The following FAM9C variants were observed in gnomAD, a reference collection of about 807,000 sequenced individuals.
The protein encoded by FAM9C is protein FAM9C.
In FAM9C, 15 loss-of-function variants were observed where a neutral mutation model predicts 14.8. The observed-to-expected ratio is 1.02, with a 90% CI of 0.68 to 1.56. The LOEUF is 1.56. FAM9C is among the 40% of genes most tolerant of loss of function. The pLI is 0.00. For synonymous variants in FAM9C, 45 were observed against 37.5 expected (o/e 1.20, Z -0.74); for missense variants, 116 against 118.0 (o/e 0.98, Z 0.08).
Position 13,043,249 on chromosome X carries a change from C to A in FAM9C, c.62-1G>T. 1 of 1,193,038 alleles carries A rather than the reference C, an allele frequency of 8.4e-7. No individual in the cohort carries two copies. The highest frequency in any genetic ancestry group is 1.1e-6 in the Non-Finnish European group (1 of 889,503). ...TGCTCATGACTTACTGGATCCTTTC[C>A]TGCATTAAAATAAAAAAGACAAACC... On this transcript the variant is annotated splice_acceptor_variant, in intron 2 of 7. Transcript: ENST00000380625. LOFTEE classifies it high-confidence loss of function.
At position 13,044,538 on chromosome X, in the gene FAM9C, A is replaced by T. The variant is rs1387027605; in HGVS notation, c.-69+2T>A. On this transcript the variant is annotated splice_donor_variant, in intron 1 of 7. Coordinates refer to ENST00000380625, the MANE Select transcript of FAM9C (RefSeq NM_174901.6). LOFTEE classifies it low-confidence loss of function (5UTR_SPLICE). ...CCCGCATCCCCACCGAGGGCGTCTC[A>T]CCTGAGGGAGCCCTGATGTTGCTCC... 1.8e-5 allele frequency: 2 copies of T among 111,061 alleles called. No homozygotes were observed. The highest frequency in any genetic ancestry group is 3.8e-5 in the Non-Finnish European group (2 of 52,622). 9.2% of individuals were successfully genotyped at this position (111,061 alleles called of 1,213,427 possible). A position where few individuals can be genotyped will look rare whatever the true frequency, so the allele number is the denominator to read the frequency against.
chrX:13,044,321 A>ACCC (rs748879259), intron 1 of FAM9C, among the ~76,000 whole-genome samples: 1,365 of 76,688 alleles, frequency 0.018, 46 homozygotes, highest in East Asian at 0.09. Flanking sequence ...TGACCCCCCG[A>ACCC]CCCCCCCCCA....
At chrX:13,036,263 C>T (rs1272958332) in intron 7 of FAM9C, 3 of 112,464 alleles carry the variant, frequency 2.7e-5, no homozygotes, top group African/African-American at 9.7e-5. Flanking sequence ...GACAAACCAT[C>T]ACTTTACAAC....
rs1264721027 is a variant in FAM9C, at chrX:13,043,874, C to CACACTAAGG, written c.-68-26_-68-18dup. Reference sequence around the variant, plus strand: ...CCTCTGAACCTGGTGAGTGCAAAGACACACTAAGGACACTAAGGAAACGAG... The same window carrying CACACTAAGG: ...CCTCTGAACCTGGTGAGTGCAAAGACACACTAAGGACACTAAGGACACTAAGGAAACGAG... On this transcript the variant is annotated splice_polypyrimidine_tract_variant and intron_variant, in intron 1 of 7. Transcript: ENST00000380625. 4 of 958,479 alleles carry CACACTAAGG rather than the reference C, an allele frequency of 4.2e-6. No homozygotes were observed. Among genetic ancestry groups the CACACTAAGG allele is most frequent in the Non-Finnish European group, 6.0e-6 (4 of 670,757 alleles). The allele number at this position is 958,479 out of a possible 1,213,427, so 79.0% of individuals were successfully genotyped here.
chrX:13,040,817 T>C lies in FAM9C; in HGVS notation c.270A>G (p.Lys90=), dbSNP rs1450322837. The change falls in exon 5 of 8, where the codon AAA becomes AAG. Residue 90 remains lysine, a synonymous_variant. Coordinates refer to ENST00000380625, the MANE Select transcript of FAM9C (RefSeq NM_174901.6). ...AKRKRIEKIA[K]ACSEIKNRIK... The stretch of plus-strand genomic sequence containing the variant: ...TTCTGTTCTTTATTTCGCTGCAAGC[T>C]TTTGCAATCTTTTCAATCCTTTTTC... 65 of 1,193,227 alleles carry C rather than the reference T, an allele frequency of 5.4e-5. No individual in the cohort carries two copies. Among genetic ancestry groups the C allele is most frequent in the Non-Finnish European group, 7.1e-5 (63 of 887,654 alleles).
intron 7 of FAM9C, chrX:13,037,342 A>C (rs2043488252): frequency 8.9e-6 from 1 of 112,570 alleles, no homozygotes; most frequent in Non-Finnish European, 1.9e-5. Flanking sequence ...TGCCTCATGA[A>C]AACTGTATGT....
chrX:13,043,517 A>G (rs996481456), intron 2 of FAM9C, among the ~76,000 whole-genome samples: 2 of 112,757 alleles, frequency 1.8e-5, no homozygotes, highest in African/African-American at 6.4e-5. Context: ...CTCTGAGAGC[A>G]TCTGTAACCC....
intron 7 of FAM9C, 183 bp from the exon 8 acceptor site, chrX:13,036,201 T>G (rs2043479094): frequency 8.9e-6 from 1 of 112,356 alleles, no homozygotes; most frequent in African/African-American, 3.2e-5. Context: ...AAGAGGGCTT[T>G]CATTATACTC....
At chrX:13,038,145 T>A (rs776037265) in intron 7 of FAM9C, 1 of 206,774 alleles carries the variant, frequency 4.8e-6, no homozygotes, top group East Asian at 9.2e-5. Flanking sequence ...AGATGTATAT[T>A]TCTAGGTAAA....
At chrX:13,044,395 C>G (rs2043558214) in intron 1 of FAM9C, 145 bp downstream of exon 1, 1 of 105,525 alleles carries the variant, frequency 9.5e-6, no homozygotes, top group African/African-American at 3.4e-5. Context: ...TCAGGCAGCT[C>G]CAACTCCCTG....
Position 13,042,952 on chromosome X carries a change from G to T in FAM9C, c.183-3C>A, listed in dbSNP as rs377020881. 1.1e-5 allele frequency: 13 copies of T among 1,182,318 alleles called. No homozygotes were observed. The highest frequency in any genetic ancestry group is 1.5e-5 in the Non-Finnish European group (13 of 883,979). On this transcript the variant is annotated splice_polypyrimidine_tract_variant and splice_region_variant and intron_variant, in intron 3 of 7. Transcript: ENST00000380625. Reference sequence around the variant, plus strand: ...CTTCTAGCTCCTTGGTATCAACCCTGTAACAAAAAGTTGCAACACAATTTT... The same window carrying T: ...CTTCTAGCTCCTTGGTATCAACCCTTTAACAAAAAGTTGCAACACAATTTT...
chrX:13,040,005 G>A, intron 5 of FAM9C, 89 bp from the exon 6 acceptor site: 1 of 742,174 alleles, frequency 1.3e-6, no homozygotes, highest in Non-Finnish European at 1.9e-6. Flanking sequence ...GACATAGTTT[G>A]TACTATAAAG....
intron 4 of FAM9C, chrX:13,042,715 C>T: frequency 2.0e-6 from 1 of 488,214 alleles, no homozygotes; most frequent in South Asian, 3.1e-5. Flanking sequence ...TCTTGCTTCA[C>T]CATTATTAGA....
chrX:13,038,511 C>G lies in FAM9C; in HGVS notation c.439-8G>C. On this transcript the variant is annotated splice_region_variant and splice_polypyrimidine_tract_variant and intron_variant, in intron 6 of 7. Coordinates refer to ENST00000380625, the MANE Select transcript of FAM9C (RefSeq NM_174901.6). ...TTGCTCTTGAAATATTTTCTAGAGG[C>G]ACAAAACAAAAAAGTGATTAAAATT... 8.4e-7 allele frequency: 1 copy of G among 1,196,304 alleles called. No homozygotes were observed. The highest frequency in any genetic ancestry group is 1.8e-5 in the South Asian group (1 of 54,232).
intron 6 of FAM9C, among the ~76,000 whole-genome samples, chrX:13,039,285 C>T (rs1411041702): frequency 1.8e-5 from 2 of 111,359 alleles, no homozygotes; most frequent in African/African-American, 6.5e-5. Context: ...GACCACTGCA[C>T]TCATCTGTTT....
At position 13,043,135 on chromosome X, in the gene FAM9C, G is replaced by A; in HGVS notation, c.175C>T (p.His59Tyr). The change falls in exon 3 of 8, where the codon CAC (histidine) becomes TAC (tyrosine). Residue 59 changes from histidine (H) to tyrosine (Y), a missense_variant. Physicochemically the swap from His to Tyr is moderately conservative, Grantham distance 83 (BLOSUM62 2). Coordinates refer to ENST00000380625, the MANE Select transcript of FAM9C (RefSeq NM_174901.6). ...ERGSFAETDE[H>Y]TGVDTKELED... ...GGGACTTAAACACTTTACCCCGTGT[G>A]TTCATCTGTTTCAGCAAAAGATCCT... 8.3e-7 allele frequency: 1 copy of A among 1,207,906 alleles called. No homozygotes were observed.
At chrX:13,041,672 A>C (rs185935472) in intron 4 of FAM9C, 33 of 112,623 alleles carry the variant, frequency 2.9e-4, no homozygotes, top group African/African-American at 9.7e-4. Context: ...ATTTTAATAA[A>C]AGAAGCAATG....
rs1008506121 is a variant in FAM9C at position 13,043,474 on chromosome X, G to A, written c.62-226C>T. ...ACAACGTTCACAGGTCAGATCCCTT[G>A]GATGTCAGGACCGCATCCATGGAGA... On this transcript the variant is annotated intron_variant, in intron 2 of 7. Coordinates refer to ENST00000380625, the MANE Select transcript of FAM9C (RefSeq NM_174901.6). 5.3e-5 allele frequency among the ~76,000 whole-genome samples: 6 copies of A among 112,458 alleles called. No individual in the cohort carries two copies. In the Admixed American group the frequency reaches 5.6e-4, roughly 11 times the overall value.
At chrX:13,043,335 T>A (rs1368158593) in intron 2 of FAM9C, 87 bp from the exon 3 acceptor site, 5 of 1,080,829 alleles carry the variant, frequency 4.6e-6, no homozygotes, top group Non-Finnish European at 2.5e-6. Flanking sequence ...ATTTGTAGAC[T>A]TTTTTGGCTC....
Sources: allele counts gnomAD v4.1 joint callset (sites outside exome capture counted in the v4.1 genomes callset), GRCh38; gene constraint gnomAD v4.1.1; transcripts MANE v1.5; gene names NCBI Gene and HGNC (gene_info 2026-07-23, HGNC 2026-07-21).